The following ARHGAP15 variants were observed in gnomAD, a reference collection of about 807,000 sequenced individuals.
ARHGAP15 encodes Rho GTPase activating protein 15.
A neutral mutation model predicts 63.7 loss-of-function variants in ARHGAP15; 51 were observed. The observed-to-expected ratio is 0.80, with a 90% CI of 0.64 to 1.01. The LOEUF (loss-of-function observed/expected upper bound fraction) is 1.01, where lower values mean the gene tolerates loss of function less well. Ranked by LOEUF, ARHGAP15 falls within the 50% of genes least tolerant of loss-of-function variation. The probability of loss-of-function intolerance (pLI) is 0.00; values close to 1 mark genes in which losing one functional copy is unlikely to be tolerated. For missense variants in ARHGAP15, 560 were observed against 564.6 expected, an observed-to-expected ratio of 0.99 and a Z score of 0.08; for synonymous variants, 191 against 193.8, an observed-to-expected ratio of 0.99 and a Z score of 0.12.
At chr2:143,525,515 A>G (rs1183352067) in intron 10 of ARHGAP15, among the ~76,000 whole-genome samples, 1 of 151,600 alleles carries the variant, frequency 6.6e-6, no homozygotes, top group East Asian at 1.9e-4. Context: ...ATCTGCATGC[A>G]TTTACAATGG....
At chr2:143,718,829 T>C (rs1169830310) in intron 13 of ARHGAP15, among the ~76,000 whole-genome samples, 2 of 152,224 alleles carry the variant, frequency 1.3e-5, no homozygotes, top group Non-Finnish European at 2.9e-5. Context: ...TGGTAGATGC[T>C]GAGCTGGAAA....
chr2:143,647,788 T>C (rs1384906975), intron 12 of ARHGAP15, among the ~76,000 whole-genome samples: 1 of 152,086 alleles, frequency 6.6e-6, no homozygotes, highest in Non-Finnish European at 1.5e-5. Flanking sequence ...GTTAACTAGC[T>C]ATCCAAGATT....
intron 13 of ARHGAP15, among the ~76,000 whole-genome samples, chr2:143,721,941 C>G (rs1220653767): frequency 6.6e-6 from 1 of 152,178 alleles, no homozygotes; most frequent in Non-Finnish European, 1.5e-5. Flanking sequence ...CCGGCCTCGG[C>G]CTCGGCCTCC....
intron 2 of ARHGAP15, among the ~76,000 whole-genome samples, chr2:143,189,615 A>C (rs354727): frequency 1 from 151,401 of 151,720 alleles, 75,542 homozygotes; most frequent in Middle Eastern, 1. Context: ...GCATGGGCCA[A>C]CACACCTGGC....
intron 12 of ARHGAP15, among the ~76,000 whole-genome samples, chr2:143,664,932 A>G (rs1448101257): frequency 2.0e-5 from 3 of 151,524 alleles, no homozygotes; most frequent in Non-Finnish European, 3.0e-5. Context: ...TCAATAGTTT[A>G]CCAACCAAAA....
chr2:143,504,584 G>T (rs908930929), intron 9 of ARHGAP15, among the ~76,000 whole-genome samples: 1 of 152,186 alleles, frequency 6.6e-6, no homozygotes, highest in African/African-American at 2.4e-5. Context: ...CAGCACAAAT[G>T]TCCCAAGTCA....
chr2:143,185,934 G>A (rs116458096), intron 2 of ARHGAP15, among the ~76,000 whole-genome samples: 16 of 151,868 alleles, frequency 1.1e-4, no homozygotes, highest in African/African-American at 2.7e-4. Flanking sequence ...TCCCTACAAC[G>A]TATCTTGTTT....
intron 6 of ARHGAP15, among the ~76,000 whole-genome samples, chr2:143,407,247 C>A (rs1007760938): frequency 1.3e-5 from 2 of 151,316 alleles, no homozygotes; most frequent in African/African-American, 4.8e-5. Flanking sequence ...TGATAGATAT[C>A]TCTCTCTCTC....
chr2:143,587,919 C>A, intron 11 of ARHGAP15: 2 of 238,608 alleles, frequency 8.4e-6, no homozygotes, highest in African/African-American at 2.3e-5. Flanking sequence ...CTAACTGAAC[C>A]CATTAAATCA....
intron 5 of ARHGAP15, 36 bp downstream of exon 5, chr2:143,228,704 T>C (rs777514937): frequency 1.4e-6 from 2 of 1,417,186 alleles, no homozygotes; most frequent in East Asian, 5.0e-5. Context: ...TAAATATCTT[T>C]TCAGAAATAT....
intron 13 of ARHGAP15, among the ~76,000 whole-genome samples, chr2:143,718,130 TTA>T (rs1246538297): frequency 6.6e-6 from 1 of 152,118 alleles, no homozygotes; most frequent in Admixed American, 6.5e-5. Flanking sequence ...AAAGTACATA[TTA>T]TATATGAGAT....
chr2:143,647,149 A>G (rs1680917824), intron 12 of ARHGAP15, among the ~76,000 whole-genome samples: 1 of 152,062 alleles, frequency 6.6e-6, no homozygotes, highest in South Asian at 2.1e-4. Flanking sequence ...TGTGCCTATC[A>G]TGTTATACTG....
At chr2:143,505,765 G>A (rs1002044844) in intron 9 of ARHGAP15, among the ~76,000 whole-genome samples, 1 of 152,088 alleles carries the variant, frequency 6.6e-6, no homozygotes, top group Non-Finnish European at 1.5e-5. Context: ...CTACCTCAAA[G>A]CACTTTTCAT....
intron 2 of ARHGAP15, among the ~76,000 whole-genome samples, chr2:143,188,390 C>A (rs1691530143): frequency 1.3e-5 from 2 of 151,352 alleles, no homozygotes; most frequent in Admixed American, 1.3e-4. Context: ...GCTATTTTTC[C>A]AAAAATATCA....
At chr2:143,225,605 C>CA (rs983622350) in intron 4 of ARHGAP15, among the ~76,000 whole-genome samples, 34 of 147,234 alleles carry the variant, frequency 2.3e-4, no homozygotes, top group African/African-American at 7.4e-4. Context: ...GACTCCGTCT[C>CA]AAAAAACAAA....
At chr2:143,167,936 A>G (rs1690614316) in intron 2 of ARHGAP15, among the ~76,000 whole-genome samples, 1 of 152,100 alleles carries the variant, frequency 6.6e-6, no homozygotes. Context: ...GTATTCTTAA[A>G]GCTGTTCTAT....
At chr2:143,269,122 G>A (rs551562257) in intron 6 of ARHGAP15, among the ~76,000 whole-genome samples, 57 of 152,148 alleles carry the variant, frequency 3.7e-4, no homozygotes, top group Admixed American at 1.0e-3. Context: ...GGTTCATTAC[G>A]TTCAAATTCC....
chr2:143,668,250 A>T (rs933479109), intron 12 of ARHGAP15, among the ~76,000 whole-genome samples: 3 of 151,884 alleles, frequency 2.0e-5, no homozygotes, highest in Non-Finnish European at 4.4e-5. Flanking sequence ...CACTTCCTAA[A>T]GGGTTACCTT....
intron 6 of ARHGAP15, among the ~76,000 whole-genome samples, chr2:143,322,250 A>C (rs1306013982): frequency 3.3e-5 from 5 of 152,196 alleles, no homozygotes; most frequent in Admixed American, 3.3e-4. Flanking sequence ...GACTGATGGC[A>C]CTTAGGAGAT....
Sources: allele counts gnomAD v4.1 joint callset (sites outside exome capture counted in the v4.1 genomes callset), GRCh38; gene constraint gnomAD v4.1.1; transcripts MANE v1.5; gene names NCBI Gene and HGNC (gene_info 2026-07-23, HGNC 2026-07-21).